The following MND1 variants were observed in gnomAD, a reference collection of about 807,000 sequenced individuals.
MND1 encodes meiotic nuclear division protein 1 homolog.
In MND1, 28 loss-of-function variants were observed where a neutral mutation model predicts 35.1. The ratio of observed to expected loss-of-function variants is 0.80; its 90% CI spans 0.59 to 1.09. The LOEUF (loss-of-function observed/expected upper bound fraction) is 1.09. MND1 is among the 50% of genes least tolerant of loss of function. The probability of loss-of-function intolerance (pLI) is 0.00; values close to 1 mark genes in which losing one functional copy is unlikely to be tolerated. For missense variants in MND1, 213 were observed against 239.6 expected (o/e 0.89, Z 0.73); for synonymous variants, 69 against 70.5 (o/e 0.98, Z 0.11).
At chr4:153,392,416 G>GT (rs1275733860) in intron 4 of MND1, among the ~76,000 whole-genome samples, 1 of 152,020 alleles carries the variant, frequency 6.6e-6, no homozygotes, top group East Asian at 1.9e-4. Context: ...TAAACAGTTA[G>GT]TTTTTTATAA....
At chr4:153,388,143 G>A (rs1287762109) in intron 4 of MND1, among the ~76,000 whole-genome samples, 1 of 151,996 alleles carries the variant, frequency 6.6e-6, no homozygotes. Context: ...ATCTGTATAG[G>A]TGACCTGGAA....
intron 4 of MND1, among the ~76,000 whole-genome samples, chr4:153,382,662 A>C (rs902602625): frequency 2.0e-5 from 3 of 152,252 alleles, no homozygotes; most frequent in Non-Finnish European, 4.4e-5. Flanking sequence ...TCTTTAAGTT[A>C]ATTCTATTTA....
chr4:153,384,443 A>ATTTTTTTT (rs561004288), intron 4 of MND1, among the ~76,000 whole-genome samples: 2,529 of 63,148 alleles, frequency 0.04, 312 homozygotes, highest in Non-Finnish European at 0.053. Context: ...CTAATGTTTA[A>ATTTTTTTT]TTTTTTTTTT....
At chr4:153,383,401 G>A (rs1168465004) in intron 4 of MND1, among the ~76,000 whole-genome samples, 2 of 152,068 alleles carry the variant, frequency 1.3e-5, no homozygotes, top group Non-Finnish European at 2.9e-5. Flanking sequence ...TGTCCAGCAG[G>A]GACACCCACA....
chr4:153,365,625 G>C (rs1417385118), intron 4 of MND1, among the ~76,000 whole-genome samples: 1 of 151,796 alleles, frequency 6.6e-6, no homozygotes, highest in Non-Finnish European at 1.5e-5. Context: ...TAAGAGATGG[G>C]GTCTTGCTCT....
chr4:153,348,049 A>T (rs1339485334), intron 1 of MND1, among the ~76,000 whole-genome samples: 3 of 152,196 alleles, frequency 2.0e-5, no homozygotes, highest in African/African-American at 7.2e-5. Flanking sequence ...GAATGTGAAC[A>T]TAGAGGGTGA....
intron 3 of MND1, among the ~76,000 whole-genome samples, chr4:153,357,119 A>G (rs923732830): frequency 6.6e-6 from 1 of 152,130 alleles, no homozygotes; most frequent in African/African-American, 2.4e-5. Context: ...CACCATGCAT[A>G]TTTTATAGAT....
chr4:153,406,085 C>T (rs966117982), intron 6 of MND1, among the ~76,000 whole-genome samples: 5 of 152,136 alleles, frequency 3.3e-5, no homozygotes, highest in African/African-American at 9.7e-5. Flanking sequence ...CAGGCGTGAG[C>T]CACTGTGCCA....
At chr4:153,413,011 C>T (rs62324676) in intron 7 of MND1, among the ~76,000 whole-genome samples, 31,286 of 151,774 alleles carry the variant, frequency 0.21, 3,434 homozygotes, top group East Asian at 0.27. Flanking sequence ...TTTACTATGT[C>T]GGCCAGGATG....
intron 6 of MND1, among the ~76,000 whole-genome samples, chr4:153,399,657 A>G (rs919717346): frequency 3.9e-5 from 6 of 152,186 alleles, no homozygotes; most frequent in Non-Finnish European, 7.3e-5. Flanking sequence ...CAGGGTATAC[A>G]AAGGACGGTG....
chr4:153,412,829 G>C (rs1376724019), intron 7 of MND1, among the ~76,000 whole-genome samples: 1 of 144,456 alleles, frequency 6.9e-6, no homozygotes, highest in Non-Finnish European at 1.5e-5. Context: ...TTTTTGAGAC[G>C]GAGTCTTGCT....
chr4:153,360,547 A>C (rs1023408054), intron 4 of MND1, among the ~76,000 whole-genome samples: 22 of 151,688 alleles, frequency 1.5e-4, no homozygotes, highest in Admixed American at 1.4e-3. Flanking sequence ...ACATGTCCAA[A>C]GTAACTGTAT....
intron 4 of MND1, among the ~76,000 whole-genome samples, chr4:153,374,434 G>C (rs1202475034): frequency 6.6e-6 from 1 of 152,114 alleles, no homozygotes; most frequent in Non-Finnish European, 1.5e-5. Context: ...CTGCCTAAAT[G>C]AGCATTAGAG....
At chr4:153,362,554 C>T (rs1254538250) in intron 4 of MND1, among the ~76,000 whole-genome samples, 3 of 152,144 alleles carry the variant, frequency 2.0e-5, no homozygotes, top group Non-Finnish European at 4.4e-5. Flanking sequence ...CCAATTAAAC[C>T]TCTTTTCTTT....
intron 5 of MND1, 51 bp from the exon 6 acceptor site, chr4:153,397,168 C>T (rs775993199): frequency 2.4e-6 from 3 of 1,253,516 alleles, no homozygotes; most frequent in East Asian, 2.4e-5. Context: ...TACCTTACAA[C>T]ATATAGAATT....
intron 1 of MND1, chr4:153,345,392 C>T (rs1773049981): frequency 1.0e-6 from 1 of 985,540 alleles, no homozygotes; most frequent in Non-Finnish European, 1.2e-6. Flanking sequence ...TGCCAAAGGG[C>T]AGGAGTCGCT....
intron 1 of MND1, chr4:153,345,217 G>A: frequency 2.1e-6 from 1 of 482,998 alleles, no homozygotes; most frequent in Non-Finnish European, 2.7e-6. Flanking sequence ...GGGACTGCGG[G>A]GAGCGAACGT....
chr4:153,407,261 G>A (rs1561080866), intron 6 of MND1, among the ~76,000 whole-genome samples: 1 of 152,114 alleles, frequency 6.6e-6, no homozygotes, highest in Admixed American at 6.6e-5. Flanking sequence ...GTTGGGACTT[G>A]GAGACCAGCC....
intron 2 of MND1, among the ~76,000 whole-genome samples, chr4:153,354,728 G>A (rs1215717333): frequency 6.6e-6 from 1 of 152,160 alleles, no homozygotes; most frequent in Non-Finnish European, 1.5e-5. Context: ...ACCCAGGCCA[G>A]TCTCCAGCTC....
Sources: allele counts gnomAD v4.1 joint callset (sites outside exome capture counted in the v4.1 genomes callset), GRCh38; gene constraint gnomAD v4.1.1; transcripts MANE v1.5; gene names NCBI Gene and HGNC (gene_info 2026-07-23, HGNC 2026-07-21).